APBB2: variants seen among roughly 807,000 people sequenced by gnomAD.
APBB2 encodes the protein Fe65-like 1.
In APBB2, 38 loss-of-function variants were observed where a neutral mutation model predicts 82.5. The observed-to-expected ratio is 0.46, with a 90% CI of 0.36 to 0.60. The LOEUF is 0.60. APBB2 is among the 20% of genes least tolerant of loss of function. APBB2 has a pLI of 0.00. For synonymous variants in APBB2, 341 were observed against 368.2 expected (o/e 0.93, Z 0.85); for missense variants, 772 against 972.3 (o/e 0.79, Z 2.74).
At chr4:40,851,964 T>C (rs1656227502) in intron 12 of APBB2, among the ~76,000 whole-genome samples, 1 of 152,074 alleles carries the variant, frequency 6.6e-6, no homozygotes, top group African/African-American at 2.4e-5. Context: ...ACTAAGAAAG[T>C]TACCCTCTTT....
At chr4:41,183,787 A>G (rs1265615539) in intron 1 of APBB2, among the ~76,000 whole-genome samples, 2 of 147,212 alleles carry the variant, frequency 1.4e-5, no homozygotes, top group South Asian at 2.3e-4. Flanking sequence ...TTTGGCACCA[A>G]GAAGTTGTTT....
At chr4:40,886,029 A>T (rs1033461963) in intron 12 of APBB2, among the ~76,000 whole-genome samples, 59 of 152,272 alleles carry the variant, frequency 3.9e-4, no homozygotes, top group Admixed American at 3.7e-3. Context: ...CTCTGACAAT[A>T]TCCATTTTCC....
rs148749578 is a variant in APBB2 at position 41,117,539 on chromosome 4, C to T, written c.-260-16789G>A. 2.0e-3 allele frequency among the ~76,000 whole-genome samples: 300 copies of T among 152,272 alleles called. 8 individuals are homozygous for T. In the East Asian group the frequency reaches 0.048, roughly 24 times the overall value. On this transcript the variant is annotated intron_variant, in intron 2 of 17. Coordinates refer to ENST00000508593, the MANE Select transcript of APBB2 (RefSeq NM_004307.2). ...AACTCCTGACCTTGTGATCCACCCG[C>T]CTTGGCCTCCCAAAGTGCTGGGATT...
At chr4:40,892,065 C>T (rs1772198223) in intron 11 of APBB2, among the ~76,000 whole-genome samples, 1 of 151,930 alleles carries the variant, frequency 6.6e-6, no homozygotes. Flanking sequence ...ATTCTCCTAC[C>T]TCAGCCTCTC....
chr4:41,007,665 C>G (rs994133826), intron 6 of APBB2, among the ~76,000 whole-genome samples: 1 of 152,156 alleles, frequency 6.6e-6, no homozygotes, highest in African/African-American at 2.4e-5. Context: ...CTATTTTATA[C>G]AAATTGTTAT....
Position 40,865,149 on chromosome 4 carries a change from C to T in APBB2, c.1529+25215G>A, listed in dbSNP as rs547710661. On this transcript the variant is annotated intron_variant, in intron 12 of 17. Transcript: ENST00000508593. ...CTGGAATTACAGGTGTGAGCCACCA[C>T]GCCTGGTCCTTTCAATTCTTAAAAT... Among the ~76,000 whole-genome samples, 15 of 152,240 alleles carry T rather than the reference C, an allele frequency of 9.9e-5. No individual in the cohort carries two copies. In the East Asian group the frequency reaches 1.7e-3, roughly 18 times the overall value.
At chr4:41,186,357 C>A (rs1772897312) in intron 1 of APBB2, among the ~76,000 whole-genome samples, 1 of 152,110 alleles carries the variant, frequency 6.6e-6, no homozygotes, top group African/African-American at 2.4e-5. Context: ...CTATTACTAC[C>A]AAGGTAGGAT....
At chr4:41,064,955 A>C (rs917261096) in intron 4 of APBB2, among the ~76,000 whole-genome samples, 3 of 152,212 alleles carry the variant, frequency 2.0e-5, no homozygotes, top group African/African-American at 7.2e-5. Flanking sequence ...ATTGTGATGA[A>C]AAAGGAAAGC....
At chr4:41,170,280 G>A (rs1453985066) in intron 1 of APBB2, among the ~76,000 whole-genome samples, 6 of 152,074 alleles carry the variant, frequency 3.9e-5, no homozygotes, top group Non-Finnish European at 1.5e-5. Context: ...TAGGCCATCC[G>A]GAGGGCAATC....
At chr4:40,893,852 C>T (rs936187004) in intron 10 of APBB2, among the ~76,000 whole-genome samples, 3 of 151,606 alleles carry the variant, frequency 2.0e-5, no homozygotes, top group African/African-American at 7.3e-5. Flanking sequence ...TGGGTGCCTG[C>T]AACTCCAGCT....
rs11405521 is a variant in APBB2, at chr4:40,810,577, CAAAAAAAAAAAAAA to C, written c.*5501_*5514del. On this transcript the variant is annotated 3_prime_UTR_variant, in exon 18 of 18. Coordinates refer to ENST00000508593, the MANE Select transcript of APBB2 (RefSeq NM_004307.2). Reference sequence around the variant, plus strand: ...TGGGAAGCAGAGTGAGACCTTGCCTCAAAAAAAAAAAAAAAAAAAAAAAAGTGTCAATGAAGAAA... The same window carrying C: ...TGGGAAGCAGAGTGAGACCTTGCCTCAAAAAAAAAAGTGTCAATGAAGAAA... 1 of 66,378 alleles carries C rather than the reference CAAAAAAAAAAAAAA, an allele frequency of 1.5e-5. No homozygotes were observed. The highest frequency in any genetic ancestry group is 2.7e-5 in the Non-Finnish European group (1 of 36,400). 4.1% of individuals were successfully genotyped at this position (66,378 alleles called of 1,614,324 possible). A position where few individuals can be genotyped will look rare whatever the true frequency, so the allele number is the denominator to read the frequency against.
chr4:40,906,484 A>AAAAAG lies in APBB2; in HGVS notation c.1255-13078_1255-13074dup, dbSNP rs1250307704. Among the ~76,000 whole-genome samples the AAAAAG allele has an allele frequency of 3.0e-3, 428 of 141,530 alleles. 4 individuals are homozygous for AAAAAG. The highest frequency in any genetic ancestry group is 4.4e-3 in the Non-Finnish European group (283 of 65,034). The allele number at this position is 141,530 out of a possible 152,430, so 92.8% of individuals were successfully genotyped here. ...TGTCTCAAAAAAAAAAAAAAAAAAAAAAAAGAAAAGAAAAGAAAAGAAAAA... is the reference window on the plus strand; with the variant it reads ...TGTCTCAAAAAAAAAAAAAAAAAAAAAAAAGAAAAGAAAAGAAAAGAAAAGAAAAA... On this transcript the variant is annotated intron_variant, in intron 10 of 17. Transcript: ENST00000508593.
At chr4:41,172,015 G>A (rs1037401569) in intron 1 of APBB2, among the ~76,000 whole-genome samples, 1 of 152,182 alleles carries the variant, frequency 6.6e-6, no homozygotes, top group South Asian at 2.1e-4. Context: ...CAGTAGAATC[G>A]CTTGAACCCA....
chr4:41,213,051 G>A (rs1397753770), intron 1 of APBB2, among the ~76,000 whole-genome samples: 1 of 150,908 alleles, frequency 6.6e-6, no homozygotes, highest in East Asian at 1.9e-4. Flanking sequence ...ATGGCCATTT[G>A]GGGACAAGAT....
intron 5 of APBB2, among the ~76,000 whole-genome samples, chr4:41,027,404 T>TATATATATATA (rs1426043208): frequency 7.7e-6 from 1 of 130,514 alleles, no homozygotes; most frequent in African/African-American, 2.9e-5. Flanking sequence ...TATATATATA[T>TATATATATATA]AACATTTTCA....
intron 6 of APBB2, among the ~76,000 whole-genome samples, chr4:40,960,446 GGTTTTTTTT>G (rs1792828496): frequency 8.3e-6 from 1 of 120,544 alleles, no homozygotes; most frequent in Non-Finnish European, 1.7e-5. Context: ...TTTTTTTTCG[GGTTTTTTTT>G]TTTTTTTTTT....
chr4:40,832,415 C>T lies in APBB2; in HGVS notation c.1530-1838G>A, dbSNP rs190782190. Among the ~76,000 whole-genome samples the T allele has an allele frequency of 4.9e-4, 75 of 152,286 alleles. No individual in the cohort carries two copies. Among genetic ancestry groups the T allele is most frequent in the Middle Eastern group, 3.4e-3 (1 of 294 alleles). ...GGCTGCCCCATGACGCTTTAATCAC[C>T]GGCAATCCACACATGACCCCAACAT... On this transcript the variant is annotated intron_variant, in intron 12 of 17. Transcript: ENST00000508593. This position sits in a 1 kb window ranked among gnomAD's most constrained non-coding sequence, Gnocchi z 4.8.
intron 6 of APBB2, among the ~76,000 whole-genome samples, chr4:41,001,845 T>G (rs1477412317): frequency 1.3e-5 from 2 of 148,880 alleles, no homozygotes; most frequent in Non-Finnish European, 3.0e-5. Flanking sequence ...GCCACTGCAC[T>G]CCAGCCTGGG....
chr4:40,815,698 G>A lies in APBB2; in HGVS notation c.*394C>T. On this transcript the variant is annotated 3_prime_UTR_variant, in exon 18 of 18. Coordinates refer to ENST00000508593, the MANE Select transcript of APBB2 (RefSeq NM_004307.2). ...GGGCAAAGTGCTGTAGGACTTAAAG[G>A]TTGCTTGTGACAGGTCCAGCCAAGA... is the stretch of plus-strand genomic sequence containing the variant. 1 of 185,656 alleles carries A rather than the reference G, an allele frequency of 5.4e-6. No homozygotes were observed. The highest frequency in any genetic ancestry group is 1.2e-5 in the Non-Finnish European group (1 of 86,350). The allele number at this position is 185,656 out of a possible 1,614,324, so 11.5% of individuals were successfully genotyped here. A position where few individuals can be genotyped will look rare whatever the true frequency, so the allele number is the denominator to read the frequency against.
Sources: gnomAD v4.1 joint callset for allele counts (sites outside exome capture counted in the v4.1 genomes callset) on GRCh38, gnomAD v4.1.1 for gene constraint, Gnocchi (gnomAD v3.1) non-coding constraint, MANE v1.5 for transcripts, NCBI Gene and HGNC (gene_info 2026-07-23, HGNC 2026-07-21) for gene names.